The following DNAH7 variants were observed in gnomAD, a reference collection of about 807,000 sequenced individuals.
The protein encoded by DNAH7 is dynein axonemal heavy chain 7.
A neutral mutation model predicts 444.6 loss-of-function variants in DNAH7; 397 were observed. That is an observed-to-expected ratio of 0.89 (90% CI 0.82 to 0.97). The LOEUF (loss-of-function observed/expected upper bound fraction) is 0.97, where lower values mean the gene tolerates loss of function less well. DNAH7 is among the 50% of genes least tolerant of loss of function. DNAH7 has a pLI of 0.00. For synonymous variants in DNAH7, 1,636 were observed against 1,624.4 expected (o/e 1.01, Z -0.17); for missense variants, 4,902 against 4,800.8 (o/e 1.02, Z -0.62).
intron 1 of DNAH7, among the ~76,000 whole-genome samples, chr2:196,067,679 C>T (rs1225539362): frequency 6.6e-6 from 1 of 152,110 alleles, no homozygotes; most frequent in African/African-American, 2.4e-5. Context: ...ATGTACAACT[C>T]AATGGATAGG....
At chr2:195,889,784 C>T (rs1375170488) in intron 31 of DNAH7, among the ~76,000 whole-genome samples, 2 of 152,180 alleles carry the variant, frequency 1.3e-5, no homozygotes, top group Non-Finnish European at 2.9e-5. Context: ...AATTTCTTAT[C>T]CCCTTCACTG....
At chr2:196,037,984 A>G (rs1388928395) in intron 5 of DNAH7, among the ~76,000 whole-genome samples, 1 of 152,198 alleles carries the variant, frequency 6.6e-6, no homozygotes, top group Non-Finnish European at 1.5e-5. Context: ...AATTCTAAAA[A>G]CAGCACAAGA....
intron 15 of DNAH7, among the ~76,000 whole-genome samples, chr2:195,980,925 A>G (rs913654517): frequency 6.6e-6 from 1 of 152,198 alleles, no homozygotes; most frequent in African/African-American, 2.4e-5. Context: ...CCTTTCCTCT[A>G]AAATCTGGAA....
intron 19 of DNAH7, among the ~76,000 whole-genome samples, chr2:195,948,343 G>A (rs1689967919): frequency 6.6e-6 from 1 of 152,192 alleles, no homozygotes; most frequent in Non-Finnish European, 1.5e-5. Flanking sequence ...TGCTTTTGGT[G>A]TTTTAGTCTT....
intron 40 of DNAH7, 104 bp downstream of exon 40, chr2:195,872,146 T>C: frequency 1.1e-6 from 1 of 932,158 alleles, no homozygotes; most frequent in Non-Finnish European, 1.6e-6. Flanking sequence ...AATAACTGAA[T>C]ATATTTCAGC....
chr2:195,933,708 A>C (rs531805849), intron 21 of DNAH7, among the ~76,000 whole-genome samples: 11 of 133,968 alleles, frequency 8.2e-5, no homozygotes, highest in Middle Eastern at 4.1e-3. Flanking sequence ...ATGAGAACAC[A>C]TGGACACAGG....
At chr2:195,920,845 T>C (rs557376373) in intron 24 of DNAH7, among the ~76,000 whole-genome samples, 91 of 152,152 alleles carry the variant, frequency 6.0e-4, no homozygotes, top group Non-Finnish European at 9.6e-4. Flanking sequence ...ATATCCAGAA[T>C]CTACAAGGAA....
In DNAH7 at chr2:195,906,804, T is replaced by C. The variant is rs1405141184; in HGVS notation, c.4208-18A>G. On this transcript the variant is annotated intron_variant, in intron 26 of 64. Transcript: ENST00000312428. ...ATTAATACCTGTAGGTAATCAGGAA[T>C]GAAATGACTTAGTAATACCACATAT... 3 of 1,612,738 alleles carry C rather than the reference T, an allele frequency of 1.9e-6. No homozygotes were observed. The highest frequency in any genetic ancestry group is 2.2e-5 in the East Asian group (1 of 44,872).
intron 46 of DNAH7, 116 bp from the exon 47 acceptor site, chr2:195,845,281 T>C (rs1559139401): frequency 1.3e-6 from 1 of 764,206 alleles, no homozygotes; most frequent in Non-Finnish European, 1.9e-6. Flanking sequence ...GTGGAAACTC[T>C]ACCTCAAAAA....
intron 15 of DNAH7, among the ~76,000 whole-genome samples, chr2:195,976,631 C>T (rs1479398081): frequency 6.6e-6 from 1 of 152,066 alleles, no homozygotes; most frequent in Non-Finnish European, 1.5e-5. Flanking sequence ...ACCAGTGTTG[C>T]ACTGGCTTCA....
At chr2:195,967,650 C>T (rs1691571661) in intron 17 of DNAH7, among the ~76,000 whole-genome samples, 1 of 152,140 alleles carries the variant, frequency 6.6e-6, no homozygotes, top group African/African-American at 2.4e-5. Flanking sequence ...TTTCTTTCAG[C>T]ACTTTAAATA....
At chr2:195,982,601 TAGAAAA>T (rs1487718962) in intron 15 of DNAH7, among the ~76,000 whole-genome samples, 2 of 152,072 alleles carry the variant, frequency 1.3e-5, no homozygotes, top group African/African-American at 4.8e-5. Flanking sequence ...AACAGATGAA[TAGAAAA>T]AGAAAATGTG....
intron 1 of DNAH7, among the ~76,000 whole-genome samples, chr2:196,065,350 T>C (rs7559774): frequency 0.056 from 8,565 of 152,272 alleles, 387 homozygotes; most frequent in African/African-American, 0.13. Context: ...TATTCTTAGG[T>C]ATAAATATTT....
chr2:195,995,303 C>T (rs1319604671), intron 12 of DNAH7: 4 of 485,266 alleles, frequency 8.2e-6, no homozygotes, highest in African/African-American at 6.0e-5. Context: ...GTACTTTTAG[C>T]AGTTTTTCTG....
intron 42 of DNAH7, among the ~76,000 whole-genome samples, chr2:195,859,363 T>C (rs1044738295): frequency 2.6e-5 from 4 of 152,204 alleles, no homozygotes; most frequent in Non-Finnish European, 4.4e-5. Context: ...AAAATGATTA[T>C]AAAGTAATAA....
At chr2:195,889,299 C>T (rs1018086900) in intron 31 of DNAH7, among the ~76,000 whole-genome samples, 2 of 151,106 alleles carry the variant, frequency 1.3e-5, no homozygotes, top group Admixed American at 1.3e-4. Flanking sequence ...TCCATCCATC[C>T]TTCCTTTCTT....
chr2:196,002,496 A>C (rs1283339593), intron 10 of DNAH7, among the ~76,000 whole-genome samples: 1 of 152,216 alleles, frequency 6.6e-6, no homozygotes, highest in Non-Finnish European at 1.5e-5. Context: ...CAAAGTTTTC[A>C]ACTTATAAAA....
At chr2:195,996,861 T>C (rs537663075) in intron 12 of DNAH7, among the ~76,000 whole-genome samples, 1 of 152,350 alleles carries the variant, frequency 6.6e-6, no homozygotes, top group African/African-American at 2.4e-5. Context: ...CTTAGGCAAC[T>C]GGGTAATTTT....
chr2:195,962,894 C>A (rs1026640534), intron 17 of DNAH7, among the ~76,000 whole-genome samples: 1 of 151,814 alleles, frequency 6.6e-6, no homozygotes, highest in Non-Finnish European at 1.5e-5. Flanking sequence ...CTGGCTTATT[C>A]ATTTAATATA....
Sources: allele counts gnomAD v4.1 joint callset (sites outside exome capture counted in the v4.1 genomes callset), GRCh38; gene constraint gnomAD v4.1.1; transcripts MANE v1.5; gene names NCBI Gene and HGNC (gene_info 2026-07-23, HGNC 2026-07-21).